The following RYR3 variants were observed in gnomAD, a reference collection of about 807,000 sequenced individuals.
RYR3 encodes brain ryanodine receptor-calcium release channel.
In RYR3, 207 loss-of-function variants were observed where a neutral mutation model predicts 584.3. The observed-to-expected ratio is 0.35, with a 90% CI of 0.32 to 0.40. RYR3 has a LOEUF of 0.40. Among genes scored for constraint, RYR3 ranks in the 10% least tolerant of loss-of-function variants. RYR3 has a pLI of 1.00. For synonymous variants in RYR3, 2,416 were observed against 2,248.5 expected, an observed-to-expected ratio of 1.07 and a Z score of -2.11; for missense variants, 5,616 against 6,089.2, an observed-to-expected ratio of 0.92 and a Z score of 2.59.
intron 37 of RYR3, among the ~76,000 whole-genome samples, chr15:33,669,880 G>GGTGTGT (rs71117160): frequency 0.17 from 17,553 of 103,118 alleles, 1,807 homozygotes; most frequent in East Asian, 0.26. Context: ...GGGTGTGTGT[G>GGTGTGT]GTGTGTGTGT....
At chr15:33,593,338 A>G (rs2059224724) in intron 16 of RYR3, among the ~76,000 whole-genome samples, 1 of 152,146 alleles carries the variant, frequency 6.6e-6, no homozygotes, top group Non-Finnish European at 1.5e-5. Context: ...CTGATCTCTC[A>G]TAGCTAGAAG....
intron 24 of RYR3, among the ~76,000 whole-genome samples, chr15:33,634,083 T>G (rs1251801917): frequency 6.6e-6 from 1 of 152,128 alleles, no homozygotes; most frequent in Non-Finnish European, 1.5e-5. Context: ...ACAGACTCTC[T>G]CTCTGTCGCC....
intron 1 of RYR3, among the ~76,000 whole-genome samples, chr15:33,313,302 A>G (rs964196369): frequency 6.6e-6 from 1 of 152,192 alleles, no homozygotes; most frequent in African/African-American, 2.4e-5. Context: ...TTTTCATTAT[A>G]CAATGTTCAA....
chr15:33,388,794 A>G (rs1369953467), intron 1 of RYR3, among the ~76,000 whole-genome samples: 1 of 152,144 alleles, frequency 6.6e-6, no homozygotes, highest in South Asian at 2.1e-4. Flanking sequence ...TCCATGCTAT[A>G]AAAGTGTAAA....
rs1320859405 is a variant in RYR3, at chr15:33,827,235, C to T, written c.11282C>T (p.Thr3761Ile). ...QNFLRTQMGN[T>I]TTVNVIISTV... ...TTCCTGCGGACTCAGATGGGCAACACCACCACCGTGAATGTCATCATCAGC... is the reference window on the plus strand; with the variant it reads ...TTCCTGCGGACTCAGATGGGCAACATCACCACCGTGAATGTCATCATCAGC... Residue 3761 changes from threonine (T) to isoleucine (I), a missense_variant, in exon 85 of 104, where the codon ACC becomes ATC. Physicochemically the swap from Thr to Ile is moderately conservative, Grantham distance 89. This residue lies in a region of RYR3 where 954 missense variants were observed against 1,132.2 expected (regional missense o/e 0.84). Transcript: ENST00000634891. 1 of 1,552,484 alleles carries T rather than the reference C, an allele frequency of 6.4e-7. No homozygotes were observed. Among genetic ancestry groups the T allele is most frequent in the Non-Finnish European group, 8.7e-7 (1 of 1,147,506 alleles).
Position 33,783,248 on chromosome 15 carries a change from C to T in RYR3, c.9269-2414C>T, listed in dbSNP as rs189082646. On this transcript the variant is annotated intron_variant, in intron 65 of 103. Transcript: ENST00000634891. ...AGGAATTTGCATTTTCAGCCGGTCTCCAGGTGATGCTGGTGCTGCTGGTAG... is the reference window on the plus strand; with the variant it reads ...AGGAATTTGCATTTTCAGCCGGTCTTCAGGTGATGCTGGTGCTGCTGGTAG... Among the ~76,000 whole-genome samples the T allele has an allele frequency of 3.0e-4, 45 of 152,258 alleles. No individual in the cohort carries two copies. The East Asian group carries it at 6.2e-3, about 21-fold the overall frequency.
At chr15:33,798,084 T>TGTCA (rs2075724530) in intron 67 of RYR3, among the ~76,000 whole-genome samples, 2 of 110,582 alleles carry the variant, frequency 1.8e-5, no homozygotes, top group African/African-American at 6.9e-5. Flanking sequence ...TCTGTCTGTC[T>TGTCA]TTTATTTATT....
chr15:33,776,098 C>G (rs1403780112), intron 64 of RYR3, among the ~76,000 whole-genome samples: 1 of 152,178 alleles, frequency 6.6e-6, no homozygotes, highest in African/African-American at 2.4e-5. Flanking sequence ...GCTGGCGTCT[C>G]CTTGACTGAT....
chr15:33,354,341 C>T (rs972740286), intron 1 of RYR3, among the ~76,000 whole-genome samples: 1 of 152,178 alleles, frequency 6.6e-6, no homozygotes, highest in African/African-American at 2.4e-5. Context: ...CTGGTCTGCC[C>T]TCCCTCACTT....
At chr15:33,833,183 A>G (rs1419686191) in intron 86 of RYR3, among the ~76,000 whole-genome samples, 1 of 152,208 alleles carries the variant, frequency 6.6e-6, no homozygotes, top group Non-Finnish European at 1.5e-5. Context: ...CTGAGACAGA[A>G]GACATAGGTG....
intron 99 of RYR3, 48 bp downstream of exon 99, chr15:33,857,962 C>G (rs984644629): frequency 1.9e-6 from 3 of 1,605,808 alleles, no homozygotes; most frequent in Non-Finnish European, 2.5e-6. Context: ...GCGGGGCCAC[C>G]CCGCCCCACC....
chr15:33,464,779 A>T (rs1463097697), intron 1 of RYR3, among the ~76,000 whole-genome samples: 1 of 151,848 alleles, frequency 6.6e-6, no homozygotes, highest in African/African-American at 2.4e-5. Flanking sequence ...GCAAATCTCA[A>T]TTATAAGATA....
intron 3 of RYR3, among the ~76,000 whole-genome samples, chr15:33,505,798 CT>C (rs1397991715): frequency 6.6e-6 from 1 of 151,802 alleles, no homozygotes; most frequent in African/African-American, 2.4e-5. Context: ...GGCCGGGAAA[CT>C]TTTTTTTAAT....
chr15:33,805,350 A>G (rs922110114), intron 69 of RYR3, among the ~76,000 whole-genome samples: 5 of 152,168 alleles, frequency 3.3e-5, no homozygotes, highest in Non-Finnish European at 5.9e-5. Context: ...TCGAAAAAGG[A>G]CAGGAAATAT....
At chr15:33,620,959 A>G (rs2060696111) in intron 19 of RYR3, among the ~76,000 whole-genome samples, 1 of 152,216 alleles carries the variant, frequency 6.6e-6, no homozygotes, top group Non-Finnish European at 1.5e-5. Flanking sequence ...TGCAGTAAAC[A>G]CTGATTCCTG....
At chr15:33,861,540 T>C (rs1273553709) in intron 102 of RYR3, among the ~76,000 whole-genome samples, 1 of 152,138 alleles carries the variant, frequency 6.6e-6, no homozygotes, top group Non-Finnish European at 1.5e-5. Flanking sequence ...CTTCCAACTA[T>C]TGCCCTACTT....
chr15:33,507,111 T>G (rs914307366), intron 3 of RYR3, among the ~76,000 whole-genome samples: 6 of 152,336 alleles, frequency 3.9e-5, no homozygotes, highest in African/African-American at 1.4e-4. Context: ...TTGGTCCTGG[T>G]GTACTGTGTC....
intron 10 of RYR3, among the ~76,000 whole-genome samples, chr15:33,562,219 T>C (rs1016543589): frequency 1.3e-5 from 2 of 152,150 alleles, no homozygotes; most frequent in African/African-American, 4.8e-5. Context: ...GAATAGGCAA[T>C]GAAACAGTGA....
At chr15:33,714,081 T>C (rs1008716116) in intron 43 of RYR3, among the ~76,000 whole-genome samples, 1 of 152,000 alleles carries the variant, frequency 6.6e-6, no homozygotes, top group East Asian at 1.9e-4. Flanking sequence ...GTCTCATAGG[T>C]AGTAGAAAGT....
Sources: allele counts gnomAD v4.1 joint callset (sites outside exome capture counted in the v4.1 genomes callset), GRCh38; gene constraint gnomAD v4.1.1; regional missense constraint gnomAD v4.1.1; transcripts MANE v1.5; gene names NCBI Gene and HGNC (gene_info 2026-07-23, HGNC 2026-07-21).